The following SOCS7 variants were observed in gnomAD, a reference collection of about 807,000 sequenced individuals.
SOCS7 encodes suppressor of cytokine signaling 7.
SOCS7 carries 18 observed loss-of-function variants against 58.9 expected under a neutral mutation model. The ratio of observed to expected loss-of-function variants is 0.31; its 90% CI spans 0.21 to 0.45. The LOEUF (loss-of-function observed/expected upper bound fraction) is 0.45. Ranked by LOEUF, SOCS7 falls within the 20% of genes least tolerant of loss-of-function variation. SOCS7 has a pLI of 1.00. For synonymous variants in SOCS7, 388 were observed against 364.3 expected, an observed-to-expected ratio of 1.06 and a Z score of -0.74; for missense variants, 667 against 837.3, an observed-to-expected ratio of 0.80 and a Z score of 2.51.
Position 38,403,643 on chromosome 17 carries a change from A to C in SOCS7, c.*4161A>C, listed in dbSNP as rs1424405094. 3 of 152,134 alleles carry C rather than the reference A, an allele frequency of 2.0e-5. No homozygotes were observed. The highest frequency in any genetic ancestry group is 7.2e-5 in the African/African-American group (3 of 41,398). The allele number at this position is 152,134 out of a possible 1,614,324, so 9.4% of individuals were successfully genotyped here. ...GTGTGTGTGTGTCCTCATTTGCAGA[A>C]GTCTTGCTACCAGTTAGGGTGTTAA... On this transcript the variant is annotated 3_prime_UTR_variant, in exon 10 of 10. Transcript: ENST00000612932.
At chr17:38,379,384 C>T (rs372161802) in intron 7 of SOCS7, among the ~76,000 whole-genome samples, 13 of 151,782 alleles carry the variant, frequency 8.6e-5, no homozygotes, top group East Asian at 1.9e-4. Context: ...GAGGCTGAGG[C>T]GGGAGAATTG....
At chr17:38,368,653 C>G (rs1263924353) in intron 6 of SOCS7, among the ~76,000 whole-genome samples, 1 of 152,116 alleles carries the variant, frequency 6.6e-6, no homozygotes, top group Non-Finnish European at 1.5e-5. Flanking sequence ...AGGCATGTGC[C>G]ACCAGGCCTG....
chr17:38,399,204 G>A (rs1567755316), intron 9 of SOCS7, among the ~76,000 whole-genome samples: 1 of 152,156 alleles, frequency 6.6e-6, no homozygotes. Context: ...GAGCCTCAGG[G>A]AAAAAATGGG....
intron 6 of SOCS7, among the ~76,000 whole-genome samples, chr17:38,369,567 C>T (rs1171720440): frequency 3.9e-5 from 6 of 152,038 alleles, no homozygotes; most frequent in African/African-American, 1.5e-4. Flanking sequence ...TTTGTTAAAC[C>T]TGTTCAAATG....
chr17:38,388,184 C>T (rs1000663207), intron 7 of SOCS7, among the ~76,000 whole-genome samples: 6 of 152,068 alleles, frequency 3.9e-5, no homozygotes, highest in Admixed American at 3.9e-4. Flanking sequence ...CCCTCTCTCC[C>T]TCCCTTCCTT....
intron 7 of SOCS7, among the ~76,000 whole-genome samples, chr17:38,388,340 C>T (rs62073373): frequency 0.3 from 45,973 of 151,464 alleles, 8,627 homozygotes; most frequent in Admixed American, 0.44. Flanking sequence ...GCATGAAACC[C>T]CATCTTGATA....
intron 4 of SOCS7, 107 bp from the exon 5 acceptor site, chr17:38,366,180 T>A: frequency 6.8e-7 from 1 of 1,464,290 alleles, no homozygotes; most frequent in Non-Finnish European, 9.2e-7. Flanking sequence ...GCTTAGCTTC[T>A]AATGCCTTGC....
At chr17:38,364,443 AAAG>A (rs2037760457) in intron 2 of SOCS7, among the ~76,000 whole-genome samples, 1 of 152,322 alleles carries the variant, frequency 6.6e-6, no homozygotes, top group South Asian at 2.1e-4. Flanking sequence ...TCTATTGGAT[AAAG>A]AAGACCCCTT....
intron 7 of SOCS7, 45 bp from the exon 8 acceptor site, chr17:38,395,264 T>A: frequency 6.2e-7 from 1 of 1,603,460 alleles, no homozygotes; most frequent in South Asian, 1.1e-5. Context: ...GGTAGTTAGC[T>A]CCATTGTTTC....
chr17:38,387,131 A>ATGTGTGTGTG (rs1555570694), intron 7 of SOCS7, among the ~76,000 whole-genome samples: 1 of 87,908 alleles, frequency 1.1e-5, no homozygotes, highest in African/African-American at 6.4e-5. Flanking sequence ...ATATATATGT[A>ATGTGTGTGTG]TGTATATATA....
At chr17:38,357,939 CT>C (rs973236105) in intron 1 of SOCS7, among the ~76,000 whole-genome samples, 4 of 152,216 alleles carry the variant, frequency 2.6e-5, no homozygotes, top group African/African-American at 9.7e-5. Context: ...TAGTCTAATG[CT>C]TTTAACTCCT....
chr17:38,365,995 C>T (rs942513380), intron 4 of SOCS7: 8 of 1,165,202 alleles, frequency 6.9e-6, no homozygotes, highest in Non-Finnish European at 8.5e-6. Flanking sequence ...TGGAATCGCT[C>T]TAGGCTGGTG....
intron 7 of SOCS7, among the ~76,000 whole-genome samples, chr17:38,382,504 A>G (rs2038016789): frequency 6.6e-6 from 1 of 151,078 alleles, no homozygotes; most frequent in Admixed American, 6.6e-5. Context: ...TGTTTGTTTC[A>G]AGATGGAGTC....
intron 1 of SOCS7, among the ~76,000 whole-genome samples, chr17:38,357,949 C>G (rs918631512): frequency 6.6e-6 from 1 of 152,226 alleles, no homozygotes; most frequent in Non-Finnish European, 1.5e-5. Context: ...CTTTTAACTC[C>G]TTTATCCCAT....
rs2038322909 is a variant in SOCS7, at chr17:38,401,834, T to G, written c.*2352T>G. The G allele has an allele frequency of 6.6e-6, 1 of 152,296 alleles. No individual in the cohort carries two copies. The highest frequency in any genetic ancestry group is 2.1e-4 in the South Asian group (1 of 4,834). 9.4% of individuals were successfully genotyped at this position (152,296 alleles called of 1,614,324 possible). On this transcript the variant is annotated 3_prime_UTR_variant, in exon 10 of 10. Transcript: ENST00000612932. ...AACATGGTTAAAGAATCCTTTCCAG[T>G]GCGGTTTTCTAGATGGAAGCTTCCC...
Position 38,396,459 on chromosome 17 carries a change from A to G in SOCS7, c.*30+461A>G, listed in dbSNP as rs796585006. ...AAACATGCCTTTAATTGCAACAGGC[A>G]TGCACTTCAGTGAGACTCCACCATG... is the stretch of plus-strand genomic sequence containing the variant. On this transcript the variant is annotated intron_variant, in intron 9 of 9. Coordinates refer to ENST00000612932, the MANE Select transcript of SOCS7 (RefSeq NM_014598.4). 2.0e-5 allele frequency among the ~76,000 whole-genome samples: 3 copies of G among 152,258 alleles called. No homozygotes were observed. The South Asian group carries it at 6.2e-4, about 31-fold the overall frequency.
chr17:38,371,467 A>G (rs1416660525), intron 6 of SOCS7, among the ~76,000 whole-genome samples: 2 of 151,626 alleles, frequency 1.3e-5, no homozygotes, highest in Admixed American at 1.3e-4. Flanking sequence ...ACGGGGTTTC[A>G]CCATGTTGGC....
rs2038371425 is a variant in SOCS7, at chr17:38,404,938, A to G, written c.*5456A>G. On this transcript the variant is annotated 3_prime_UTR_variant, in exon 10 of 10. Coordinates refer to ENST00000612932, the MANE Select transcript of SOCS7 (RefSeq NM_014598.4). Reference sequence around the variant, plus strand: ...TGTACGTTTTTGGTTGTTTTTAAGAAACTCGATGAAGAGGGGTGTCATTCT... The same window carrying G: ...TGTACGTTTTTGGTTGTTTTTAAGAGACTCGATGAAGAGGGGTGTCATTCT... The G allele has an allele frequency of 6.6e-6, 1 of 151,984 alleles. No homozygotes were observed. The highest frequency in any genetic ancestry group is 1.5e-5 in the Non-Finnish European group (1 of 67,996). 9.4% of individuals were successfully genotyped at this position (151,984 alleles called of 1,614,324 possible). A position where few individuals can be genotyped will look rare whatever the true frequency, so the allele number is the denominator to read the frequency against.
chr17:38,389,877 A>ATATATATATGTACATATGTG (rs2038138941), intron 7 of SOCS7, among the ~76,000 whole-genome samples: 1 of 103,106 alleles, frequency 9.7e-6, no homozygotes, highest in Non-Finnish European at 1.8e-5. Flanking sequence ...ACATATATAT[A>ATATATATATGTACATATGTG]TATATGTACA....
Sources: gnomAD v4.1 joint callset for allele counts (sites outside exome capture counted in the v4.1 genomes callset) on GRCh38, gnomAD v4.1.1 for gene constraint, MANE v1.5 for transcripts, NCBI Gene and HGNC (gene_info 2026-07-23, HGNC 2026-07-21) for gene names.